LHX8: variants seen among roughly 807,000 people sequenced by gnomAD.
LHX8 encodes LIM/homeobox protein Lhx8.
A neutral mutation model predicts 40.3 loss-of-function variants in LHX8; 12 were observed. That is an observed-to-expected ratio of 0.30 (90% confidence interval 0.19 to 0.48). The LOEUF (loss-of-function observed/expected upper bound fraction) is 0.48. LHX8 is among the 20% of genes least tolerant of loss of function. LHX8 has a pLI of 0.99. For synonymous variants in LHX8, 179 were observed against 162.0 expected (o/e 1.10, Z -0.80); for missense variants, 344 against 433.7 (o/e 0.79, Z 1.84).
At chr1:75,138,225 C>T (rs1648207742) in intron 3 of LHX8, among the ~76,000 whole-genome samples, 1 of 152,174 alleles carries the variant, frequency 6.6e-6, no homozygotes, top group African/African-American at 2.4e-5. Context: ...AAATAATGGT[C>T]TCTCCTACAC....
At chr1:75,194,971 C>T in the LHX8 span, among the ~76,000 whole-genome samples, 3 of 152,010 alleles carry the variant, frequency 2.0e-5, no homozygotes, top group African/African-American at 7.2e-5. Flanking sequence ...ATGTTTTGCT[C>T]GGTGAGGAAA....
At chr1:75,147,706 A>G (rs1265918419) in intron 6 of LHX8, among the ~76,000 whole-genome samples, 1 of 152,186 alleles carries the variant, frequency 6.6e-6, no homozygotes, top group Non-Finnish European at 1.5e-5. Flanking sequence ...ACATTTTGTA[A>G]TGCTTCCCTC....
chr1:75,163,415 CTATTT>C (rs1394650978), downstream of LHX8, among the ~76,000 whole-genome samples: 5 of 152,084 alleles, frequency 3.3e-5, no homozygotes, highest in African/African-American at 7.2e-5. Flanking sequence ...AGTAATGTTT[CTATTT>C]TATTATTTAG....
chr1:75,174,306 G>T, the LHX8 span, among the ~76,000 whole-genome samples: 1 of 152,060 alleles, frequency 6.6e-6, no homozygotes, highest in Non-Finnish European at 1.5e-5. Context: ...CTGAAGAAGG[G>T]CTTTGGTGAT....
chr1:75,137,755 T>C (rs184259679), intron 3 of LHX8, among the ~76,000 whole-genome samples: 1 of 152,348 alleles, frequency 6.6e-6, no homozygotes, highest in Admixed American at 6.5e-5. Context: ...GCAGTGTCTC[T>C]TTTGGTGAAA....
At chr1:75,140,869 C>A in intron 3 of LHX8, 116 bp from the exon 4 acceptor site, 1 of 940,274 alleles carries the variant, frequency 1.1e-6, no homozygotes, top group Non-Finnish European at 1.7e-6. Context: ...TGGATGAAAA[C>A]ATTCAGAGCA....
At chr1:75,147,158 A>G (rs1213680111) in intron 6 of LHX8, among the ~76,000 whole-genome samples, 1 of 152,204 alleles carries the variant, frequency 6.6e-6, no homozygotes, top group Non-Finnish European at 1.5e-5. Context: ...CTTTTTTAAA[A>G]GCAAAAATCC....
chr1:75,131,067 C>G (rs1192020183), upstream of LHX8: 2 of 416,010 alleles, frequency 4.8e-6, no homozygotes, highest in South Asian at 2.3e-5. Flanking sequence ...AGGGAAAGCT[C>G]GGGTCCGCAA....
the LHX8 span, among the ~76,000 whole-genome samples, chr1:75,173,188 T>C: frequency 1.7e-4 from 26 of 151,978 alleles, no homozygotes; most frequent in Non-Finnish European, 2.9e-4. Context: ...AGTGAACACT[T>C]GGTATGTGTC....
intron 6 of LHX8, among the ~76,000 whole-genome samples, chr1:75,144,484 T>C (rs1648408725): frequency 6.6e-6 from 1 of 152,210 alleles, no homozygotes; most frequent in Admixed American, 6.5e-5. Context: ...CAGATTCCTT[T>C]ATGTTTTTAA....
At chr1:75,173,090 GTCT>G in the LHX8 span, among the ~76,000 whole-genome samples, 1 of 152,166 alleles carries the variant, frequency 6.6e-6, no homozygotes, top group Non-Finnish European at 1.5e-5. Flanking sequence ...TGTTCTGGGA[GTCT>G]TTTGGGAGAT....
At chr1:75,154,643 G>A (rs1557493773) in intron 7 of LHX8, among the ~76,000 whole-genome samples, 1 of 152,098 alleles carries the variant, frequency 6.6e-6, no homozygotes, top group South Asian at 2.1e-4. Flanking sequence ...ATTTGGGTGA[G>A]ACTAGTGTTA....
chr1:75,157,747 GTTAT>G (rs1454676029), intron 8 of LHX8, among the ~76,000 whole-genome samples: 1 of 152,144 alleles, frequency 6.6e-6, no homozygotes, highest in Non-Finnish European at 1.5e-5. Flanking sequence ...GTGAGAATCT[GTTAT>G]TTGTTTTCAT....
In LHX8 at chr1:75,137,246, C is replaced by A; in HGVS notation, c.222C>A (p.Asp74Glu). 2.5e-6 allele frequency: 4 copies of A among 1,613,572 alleles called. No homozygotes were observed. The highest frequency in any genetic ancestry group is 1.1e-5 in the South Asian group (1 of 91,064). Residue 74 changes from aspartate (D) to glutamate (E), a missense_variant, in exon 3 of 9, where the codon GAC becomes GAA. Asp to Glu is a conservative substitution (Grantham distance 45, BLOSUM62 2). Coordinates refer to ENST00000356261, the MANE Select transcript of LHX8 (RefSeq NM_001256114.2). ...ACAGTTGCGGCCTGGAGATCGTGGACAAATACCTTCTCAAGGTAGGATAGG... is the reference window on the plus strand; with the variant it reads ...ACAGTTGCGGCCTGGAGATCGTGGAAAAATACCTTCTCAAGGTAGGATAGG... Reference protein sequence around the residue: ...VCNSCGLEIVDKYLLKVNDLC... With the variant: ...VCNSCGLEIVEKYLLKVNDLC...
At chr1:75,131,976 T>G (rs75882006), upstream of LHX8, 2,253 of 152,290 alleles carry the variant, frequency 0.015, 55 homozygotes, top group African/African-American at 0.052. Context: ...AAGATGATGT[T>G]TTTTTGATCA....
chr1:75,158,776 A>G (rs1010178771), intron 8 of LHX8, among the ~76,000 whole-genome samples: 10 of 152,128 alleles, frequency 6.6e-5, no homozygotes, highest in African/African-American at 1.2e-4. Flanking sequence ...AATATATGAT[A>G]ATGTGTTTCT....
chr1:75,138,692 A>C (rs1438479469), intron 3 of LHX8, among the ~76,000 whole-genome samples: 1 of 152,210 alleles, frequency 6.6e-6, no homozygotes, highest in Non-Finnish European at 1.5e-5. Flanking sequence ...AGGCTCTAAC[A>C]CTTCACAGCA....
At chr1:75,144,429 AG>A (rs1421898222) in intron 6 of LHX8, among the ~76,000 whole-genome samples, 1 of 152,174 alleles carries the variant, frequency 6.6e-6, no homozygotes, top group Non-Finnish European at 1.5e-5. Flanking sequence ...AATAATTGAA[AG>A]TGCCTTAAAG....
chr1:75,144,376 A>G (rs1570292246), intron 6 of LHX8, among the ~76,000 whole-genome samples: 1 of 152,190 alleles, frequency 6.6e-6, no homozygotes, highest in South Asian at 2.1e-4. Context: ...ACAAACTGCA[A>G]TGAGTCATTT....
Sources: allele counts gnomAD v4.1 joint callset (sites outside exome capture counted in the v4.1 genomes callset), GRCh38; gene constraint gnomAD v4.1.1; transcripts MANE v1.5; gene names NCBI Gene and HGNC (gene_info 2026-07-23, HGNC 2026-07-21).